Variants in FNDC3B observed in about 807,000 individuals in gnomAD.
FNDC3B encodes the protein fibronectin type III domain-containing protein 3B.
A neutral mutation model predicts 151.5 loss-of-function variants in FNDC3B; 12 were observed. The observed-to-expected ratio is 0.08, with a 90% CI of 0.05 to 0.13. The LOEUF (loss-of-function observed/expected upper bound fraction) is 0.13, where lower values mean the gene tolerates loss of function less well. Ranked by LOEUF, FNDC3B falls within the 10% of genes least tolerant of loss-of-function variation. The pLI is 1.00. For missense variants in FNDC3B, 1,214 were observed against 1,505.3 expected, an observed-to-expected ratio of 0.81 and a Z score of 3.20; for synonymous variants, 528 against 549.0, an observed-to-expected ratio of 0.96 and a Z score of 0.54.
rs1239131671 is a variant in FNDC3B, at chr3:172,399,335, A to G, written c.*1860A>G. On this transcript the variant is annotated 3_prime_UTR_variant, in exon 26 of 26. Transcript: ENST00000415807. ...CTTGGCAACATCTGTAGTATTATTA[A>G]TCTTCTGACATTTTCTTATGTTTTT... 1 of 152,494 alleles carries G rather than the reference A, an allele frequency of 6.6e-6. No homozygotes were observed. The highest frequency in any genetic ancestry group is 1.5e-5 in the Non-Finnish European group (1 of 68,022). The allele number at this position is 152,494 out of a possible 1,614,324, so 9.4% of individuals were successfully genotyped here.
intron 18 of FNDC3B, among the ~76,000 whole-genome samples, chr3:172,343,859 A>G (rs1018404537): frequency 4.6e-5 from 7 of 152,220 alleles, no homozygotes; most frequent in African/African-American, 1.4e-4. Flanking sequence ...TATTTTATCA[A>G]TGTAATTAAA....
At chr3:172,333,291 A>G (rs1323814455) in intron 14 of FNDC3B, 116 bp downstream of exon 14, 1 of 702,954 alleles carries the variant, frequency 1.4e-6, no homozygotes, top group Non-Finnish European at 2.5e-6. Context: ...AGCACTTTAC[A>G]TTTTGAAAGT....
intron 2 of FNDC3B, among the ~76,000 whole-genome samples, chr3:172,123,924 CAG>C (rs1432029882): frequency 6.6e-6 from 1 of 152,140 alleles, no homozygotes; most frequent in Admixed American, 6.5e-5. Context: ...TTTCAGGACA[CAG>C]GGAATCAATT....
chr3:172,145,077 G>A (rs888414266), intron 3 of FNDC3B, among the ~76,000 whole-genome samples: 1 of 151,756 alleles, frequency 6.6e-6, no homozygotes. Flanking sequence ...CCTGAATTAA[G>A]GTCGAAGCAT....
chr3:172,125,364 G>A (rs1297217925), intron 2 of FNDC3B, among the ~76,000 whole-genome samples: 17 of 151,596 alleles, frequency 1.1e-4, no homozygotes, highest in Admixed American at 9.8e-4. Context: ...TTTTTCCTTA[G>A]GGAATGGTTC....
chr3:172,232,976 T>G (rs1324114155), intron 4 of FNDC3B, among the ~76,000 whole-genome samples: 3 of 152,240 alleles, frequency 2.0e-5, no homozygotes, highest in African/African-American at 7.2e-5. Context: ...TTGGCAGAGC[T>G]TGCCCTCCTA....
chr3:172,223,524 T>A (rs1321599883), intron 3 of FNDC3B, among the ~76,000 whole-genome samples: 1 of 152,206 alleles, frequency 6.6e-6, no homozygotes, highest in Admixed American at 6.5e-5. Flanking sequence ...TTAAAGCATT[T>A]TACACAAATG....
At chr3:172,273,559 G>A (rs1391336717) in intron 6 of FNDC3B, among the ~76,000 whole-genome samples, 1 of 152,212 alleles carries the variant, frequency 6.6e-6, no homozygotes, top group East Asian at 1.9e-4. Context: ...CATTTTCTGG[G>A]TAGATTAGTG....
chr3:172,344,791 T>C (rs1733523778), intron 19 of FNDC3B, among the ~76,000 whole-genome samples: 1 of 152,214 alleles, frequency 6.6e-6, no homozygotes, highest in South Asian at 2.1e-4. Flanking sequence ...AAATTGAGAA[T>C]ATATATGTCT....
At chr3:172,208,404 C>T (rs1281395466) in intron 3 of FNDC3B, among the ~76,000 whole-genome samples, 1 of 152,106 alleles carries the variant, frequency 6.6e-6, no homozygotes, top group Non-Finnish European at 1.5e-5. Flanking sequence ...TCTCATATAG[C>T]CTTCTCCCAG....
At chr3:172,203,958 C>T (rs1725298867) in intron 3 of FNDC3B, among the ~76,000 whole-genome samples, 1 of 152,198 alleles carries the variant, frequency 6.6e-6, no homozygotes, top group African/African-American at 2.4e-5. Context: ...GTTTAGAAGG[C>T]TTGTCCCAAA....
In FNDC3B at chr3:172,040,830, C is replaced by G. The variant is rs918328519; in HGVS notation, c.-29+1059C>G. On this transcript the variant is annotated intron_variant, in intron 1 of 25. Transcript: ENST00000415807. This position sits in a 1 kb window ranked among gnomAD's most constrained non-coding sequence, Gnocchi z 6.6. ...CGAACTTTCCCAGAGGTCCGGGTCC[C>G]GGCGTCCCGTGGGAACCGGAGGACC... Among the ~76,000 whole-genome samples the G allele has an allele frequency of 6.6e-6, 1 of 151,944 alleles. No homozygotes were observed. The highest frequency in any genetic ancestry group is 6.5e-5 in the Admixed American group (1 of 15,284).
intron 6 of FNDC3B, among the ~76,000 whole-genome samples, chr3:172,256,989 G>A (rs1728378054): frequency 6.6e-6 from 1 of 151,844 alleles, no homozygotes; most frequent in South Asian, 2.1e-4. Context: ...GGAGTGCGGT[G>A]GCGCAATTTC....
At chr3:172,180,346 A>G (rs909503758) in intron 3 of FNDC3B, among the ~76,000 whole-genome samples, 1 of 152,124 alleles carries the variant, frequency 6.6e-6, no homozygotes, top group African/African-American at 2.4e-5. Flanking sequence ...ATAAGCCCCT[A>G]AGTGATCCCC....
intron 11 of FNDC3B, among the ~76,000 whole-genome samples, chr3:172,319,740 C>T (rs1731988700): frequency 2.0e-5 from 3 of 152,330 alleles, no homozygotes; most frequent in South Asian, 4.1e-4. Context: ...CATACGTGCT[C>T]TTTTATTTCT....
intron 1 of FNDC3B, among the ~76,000 whole-genome samples, chr3:172,050,440 G>C (rs538354283): frequency 1.4e-4 from 21 of 151,526 alleles, no homozygotes; most frequent in Middle Eastern, 3.4e-3. Context: ...CTGGAGTGCA[G>C]TGGCACGATC....
intron 6 of FNDC3B, among the ~76,000 whole-genome samples, chr3:172,255,325 A>G (rs1445679373): frequency 2.0e-5 from 3 of 152,002 alleles, no homozygotes; most frequent in Non-Finnish European, 4.4e-5. Flanking sequence ...CCGGAGTGCA[A>G]TGGCGTGACC....
intron 3 of FNDC3B, among the ~76,000 whole-genome samples, chr3:172,135,265 G>GTGTGTGTATATATGTGTTTTT (rs1343905337): frequency 1.3e-5 from 2 of 152,118 alleles, no homozygotes; most frequent in African/African-American, 4.8e-5. Flanking sequence ...ATGTGTGTGT[G>GTGTGTGTATATATGTGTTTTT]TGTGTGTATA....
chr3:172,250,450 CTT>C (rs1361395480), intron 5 of FNDC3B, among the ~76,000 whole-genome samples: 1 of 152,162 alleles, frequency 6.6e-6, no homozygotes, highest in Admixed American at 6.5e-5. Context: ...AATGTTGGCT[CTT>C]TTGTATGCCA....
Sources: gnomAD v4.1 joint callset for allele counts (sites outside exome capture counted in the v4.1 genomes callset) on GRCh38, gnomAD v4.1.1 for gene constraint, Gnocchi (gnomAD v3.1) non-coding constraint, MANE v1.5 for transcripts, NCBI Gene and HGNC (gene_info 2026-07-23, HGNC 2026-07-21) for gene names.